NCKAP5: variants seen among roughly 807,000 people sequenced by gnomAD.
The protein encoded by NCKAP5 is NCK associated protein 5.
A neutral mutation model predicts 167.0 loss-of-function variants in NCKAP5; 92 were observed. The observed-to-expected ratio is 0.55, with a 90% CI of 0.47 to 0.66. The LOEUF is 0.66. Among genes scored for constraint, NCKAP5 ranks in the 30% least tolerant of loss-of-function variants. NCKAP5 has a pLI of 0.00. For missense variants in NCKAP5, 2,378 were observed against 2,315.0 expected (o/e 1.03, Z -0.56); for synonymous variants, 891 against 877.4 (o/e 1.02, Z -0.27).
At chr2:133,157,972 T>G (rs1056535573) in intron 5 of NCKAP5, among the ~76,000 whole-genome samples, 1 of 152,078 alleles carries the variant, frequency 6.6e-6, no homozygotes, top group Admixed American at 6.6e-5. Context: ...ACACTGAGAG[T>G]AGTAGTAATA....
chr2:133,083,663 G>T (rs962330962), intron 6 of NCKAP5, among the ~76,000 whole-genome samples: 1 of 152,162 alleles, frequency 6.6e-6, no homozygotes, highest in African/African-American at 2.4e-5. Context: ...ACTGAATTCT[G>T]CAGGGAGTAC....
chr2:132,745,200 A>G (rs2105626014), intron 16 of NCKAP5, among the ~76,000 whole-genome samples: 1 of 152,002 alleles, frequency 6.6e-6, no homozygotes, highest in African/African-American at 2.4e-5. Flanking sequence ...TGGATGCAAG[A>G]ATGTTTAATA....
At chr2:133,188,689 G>A (rs2085065414) in intron 5 of NCKAP5, among the ~76,000 whole-genome samples, 1 of 152,074 alleles carries the variant, frequency 6.6e-6, no homozygotes, top group Middle Eastern at 3.2e-3. Context: ...TGACTACTGG[G>A]TACGTAATGA....
chr2:133,428,092 C>G (rs7567502), intron 3 of NCKAP5, among the ~76,000 whole-genome samples: 43,792 of 151,670 alleles, frequency 0.29, 7,377 homozygotes, highest in African/African-American at 0.46. Context: ...TTTGAAAGAA[C>G]GGGCACTAGG....
At chr2:133,143,843 G>A (rs2083089303) in intron 5 of NCKAP5, among the ~76,000 whole-genome samples, 1 of 151,864 alleles carries the variant, frequency 6.6e-6, no homozygotes, top group African/African-American at 2.4e-5. Flanking sequence ...TGAGGCTAAG[G>A]CCACAGTAAG....
chr2:133,171,154 G>A (rs1252668155), intron 5 of NCKAP5, among the ~76,000 whole-genome samples: 1 of 152,138 alleles, frequency 6.6e-6, no homozygotes, highest in Non-Finnish European at 1.5e-5. Context: ...TGCTTTTGAA[G>A]GCATCTCAAG....
intron 3 of NCKAP5, among the ~76,000 whole-genome samples, chr2:133,484,437 A>G (rs962442504): frequency 1.3e-5 from 2 of 152,166 alleles, no homozygotes; most frequent in South Asian, 2.1e-4. Flanking sequence ...CTGATTCCCA[A>G]TGCAGGGGAA....
chr2:133,083,168 G>A (rs961231317), intron 6 of NCKAP5, among the ~76,000 whole-genome samples: 4 of 152,100 alleles, frequency 2.6e-5, no homozygotes, highest in East Asian at 1.9e-4. Context: ...GCTCAGATTC[G>A]CTGTAAGAGA....
intron 5 of NCKAP5, among the ~76,000 whole-genome samples, chr2:133,204,768 T>C (rs2085869074): frequency 6.6e-6 from 1 of 152,210 alleles, no homozygotes; most frequent in Non-Finnish European, 1.5e-5. Context: ...TGCCTACTGA[T>C]GTTTTCAGAC....
chr2:133,642,559 G>A, the NCKAP5 span, among the ~76,000 whole-genome samples: 1 of 152,182 alleles, frequency 6.6e-6, no homozygotes, highest in African/African-American at 2.4e-5. Context: ...AAAAACTGGG[G>A]CTAGGGAGTT....
intron 5 of NCKAP5, among the ~76,000 whole-genome samples, chr2:133,192,539 C>T (rs1220928389): frequency 6.6e-6 from 1 of 151,768 alleles, no homozygotes; most frequent in Non-Finnish European, 1.5e-5. Context: ...ATATAATGGA[C>T]TCTCAAAGCT....
intron 6 of NCKAP5, among the ~76,000 whole-genome samples, chr2:133,042,206 T>C (rs973850816): frequency 6.6e-6 from 1 of 152,116 alleles, no homozygotes; most frequent in African/African-American, 2.4e-5. Context: ...AATTTCCAAG[T>C]TTCTATATAT....
chr2:133,574,005 TGA>T, the NCKAP5 span, among the ~76,000 whole-genome samples: 4 of 152,142 alleles, frequency 2.6e-5, no homozygotes, highest in African/African-American at 9.7e-5. Flanking sequence ...GTGTGGAAAC[TGA>T]GAGTGCAATG....
At chr2:132,722,154 G>A (rs1689988052) in intron 19 of NCKAP5, among the ~76,000 whole-genome samples, 1 of 152,198 alleles carries the variant, frequency 6.6e-6, no homozygotes, top group African/African-American at 2.4e-5. Flanking sequence ...AACTCATGTA[G>A]ACAGGCATAT....
At chr2:133,130,238 G>A in intron 5 of NCKAP5, 127 bp from the exon 6 acceptor site, 1 of 1,012,362 alleles carries the variant, frequency 9.9e-7, no homozygotes, top group Non-Finnish European at 1.4e-6. Flanking sequence ...ACCCCACGAA[G>A]TAGGTCCTAT....
At chr2:133,086,484 C>A (rs1230515405) in intron 6 of NCKAP5, among the ~76,000 whole-genome samples, 1 of 151,960 alleles carries the variant, frequency 6.6e-6, no homozygotes, top group Non-Finnish European at 1.5e-5. Context: ...ACAAAAAAAT[C>A]TTTAAAAATT....
chr2:133,233,209 T>C (rs554374081), intron 4 of NCKAP5, among the ~76,000 whole-genome samples: 2 of 152,328 alleles, frequency 1.3e-5, no homozygotes, highest in East Asian at 1.9e-4. Context: ...ATTATATTCA[T>C]TGACCTATTA....
chr2:133,421,238 A>G (rs1689455366), intron 3 of NCKAP5, among the ~76,000 whole-genome samples: 1 of 152,232 alleles, frequency 6.6e-6, no homozygotes, highest in East Asian at 1.9e-4. Context: ...ACATTGTCTA[A>G]TGCAGTTTTC....
chr2:133,122,164 G>C (rs2082270960), intron 6 of NCKAP5: 2 of 152,028 alleles, frequency 1.3e-5, no homozygotes, highest in Admixed American at 6.6e-5. Flanking sequence ...GTTACATGAG[G>C]GTCAATGATT....
Sources: allele counts gnomAD v4.1 joint callset (sites outside exome capture counted in the v4.1 genomes callset), GRCh38; gene constraint gnomAD v4.1.1; transcripts MANE v1.5; gene names NCBI Gene and HGNC (gene_info 2026-07-23, HGNC 2026-07-21).